The following ANXA2 variants were observed in gnomAD, a reference collection of about 807,000 sequenced individuals.
ANXA2 encodes annexin II.
In ANXA2, 28 loss-of-function variants were observed where a neutral mutation model predicts 47.3. The observed-to-expected ratio is 0.59, with a 90% CI of 0.44 to 0.81. The LOEUF (loss-of-function observed/expected upper bound fraction) is 0.81, where lower values mean the gene tolerates loss of function less well. Ranked by LOEUF, ANXA2 falls within the 40% of genes least tolerant of loss-of-function variation. ANXA2 has a pLI of 0.00. For synonymous variants in ANXA2, 172 were observed against 155.5 expected (o/e 1.11, Z -0.79); for missense variants, 384 against 414.3 (o/e 0.93, Z 0.64).
chr15:60,379,388 A>G (rs558909964), intron 3 of ANXA2, among the ~76,000 whole-genome samples: 51 of 152,366 alleles, frequency 3.3e-4, no homozygotes, highest in African/African-American at 1.2e-3. Context: ...AAGCTAGACC[A>G]CAAATATGAG....
At chr15:60,393,015 A>G (rs538649347) in intron 1 of ANXA2, 1 of 1,284,668 alleles carries the variant, frequency 7.8e-7, no homozygotes, top group East Asian at 5.6e-5. Context: ...CCACCCACCT[A>G]CTGCATCTTT....
intron 2 of ANXA2, 64 bp from the exon 3 acceptor site, chr15:60,382,505 A>G: frequency 1.8e-6 from 2 of 1,135,306 alleles, no homozygotes; most frequent in Non-Finnish European, 2.6e-6. Flanking sequence ...TGAAATAACA[A>G]TGCCTAATAT....
intron 5 of ANXA2, 147 bp downstream of exon 5, chr15:60,360,794 C>A: frequency 1.6e-6 from 1 of 622,020 alleles, no homozygotes; most frequent in South Asian, 2.0e-5. Context: ...GGTACAAATC[C>A]TGAGACATAT....
chr15:60,357,111 C>T, intron 6 of ANXA2, 35 bp downstream of exon 6: 11 of 1,593,472 alleles, frequency 6.9e-6, no homozygotes, highest in Non-Finnish European at 9.5e-6. Context: ...ATAAATTGGG[C>T]TGAGAGGATG....
At chr15:60,359,250 A>G (rs1595670969) in intron 5 of ANXA2, among the ~76,000 whole-genome samples, 1 of 152,338 alleles carries the variant, frequency 6.6e-6, no homozygotes, top group South Asian at 2.1e-4. Flanking sequence ...TGACAGCTCA[A>G]AAAGGTCTGT....
At chr15:60,360,900 A>T in intron 5 of ANXA2, 41 bp downstream of exon 5, 1 of 1,275,124 alleles carries the variant, frequency 7.8e-7, no homozygotes, top group Non-Finnish European at 1.1e-6. Flanking sequence ...TCACAAAATT[A>T]ATAGCAGATT....
intron 1 of ANXA2, chr15:60,386,605 T>C (rs1051724427): frequency 2.0e-5 from 3 of 152,942 alleles, no homozygotes; most frequent in African/African-American, 7.2e-5. Context: ...CCAATGATAC[T>C]TGGAAGATAT....
intron 1 of ANXA2, among the ~76,000 whole-genome samples, chr15:60,392,707 T>C (rs939171094): frequency 2.6e-5 from 4 of 152,342 alleles, no homozygotes; most frequent in Non-Finnish European, 5.9e-5. Context: ...CTGAGTCTAA[T>C]CCAGAAGTTT....
chr15:60,348,316 A>G (rs186654882), intron 12 of ANXA2, among the ~76,000 whole-genome samples: 1 of 152,350 alleles, frequency 6.6e-6, no homozygotes, highest in African/African-American at 2.4e-5. Flanking sequence ...TGTGAATGCC[A>G]TCACTTCCTT....
rs565525470 is a variant in ANXA2, at chr15:60,364,246, G to A, written c.243+183C>T. 6.6e-5 allele frequency among the ~76,000 whole-genome samples: 10 copies of A among 152,328 alleles called. No homozygotes were observed. The East Asian group carries it at 1.9e-3, about 29-fold the overall frequency. ...CTGATGACCTGAGGTGCACGCGCGC[G>A]TGCACACACGCACACACACATGTGC... On this transcript the variant is annotated intron_variant, in intron 4 of 12. Coordinates refer to ENST00000451270, the MANE Select transcript of ANXA2 (RefSeq NM_004039.3).
At chr15:60,363,473 C>A (rs1439341458) in intron 4 of ANXA2, among the ~76,000 whole-genome samples, 1 of 152,178 alleles carries the variant, frequency 6.6e-6, no homozygotes, top group Non-Finnish European at 1.5e-5. Flanking sequence ...ACTGTGGCTA[C>A]AAGTGAAAGC....
Position 60,357,234 on chromosome 15 carries a change from C to A in ANXA2, c.360G>T (p.Gly120=), listed in dbSNP as rs367754106. 1.1e-4 allele frequency: 177 copies of A among 1,613,630 alleles called. No homozygotes were observed. The highest frequency in any genetic ancestry group is 1.3e-4 in the Non-Finnish European group (150 of 1,179,710). Residue 120 remains glycine (G), a splice_region_variant and synonymous_variant, in exon 6 of 13, where the codon GGG becomes GGT. Coordinates refer to ENST00000451270, the MANE Select transcript of ANXA2 (RefSeq NM_004039.3). ...TGAGAGAGTCCTCGTCGGTTCCCAG[C>A]CCCTGTGAACCAGGAAGCACGAACA... ...DASELKASMK[G]LGTDEDSLIE...
intron 3 of ANXA2, among the ~76,000 whole-genome samples, chr15:60,380,504 A>G (rs916292407): frequency 3.3e-5 from 5 of 151,788 alleles, no homozygotes; most frequent in African/African-American, 7.3e-5. Flanking sequence ...AAAAAAAAAA[A>G]AAAAAGAAAA....
At chr15:60,366,530 C>T (rs1452136332) in intron 3 of ANXA2, among the ~76,000 whole-genome samples, 2 of 151,098 alleles carry the variant, frequency 1.3e-5, no homozygotes, top group East Asian at 2.0e-4. Context: ...CGTCTCTGCC[C>T]GGCCGCTCCG....
chr15:60,357,712 T>G (rs1473357713), intron 5 of ANXA2, among the ~76,000 whole-genome samples: 1 of 151,436 alleles, frequency 6.6e-6, no homozygotes, highest in African/African-American at 2.4e-5. Context: ...GAGAATGGCG[T>G]GAACCTGGGA....
chr15:60,379,321 T>G (rs1314198349), intron 3 of ANXA2, among the ~76,000 whole-genome samples: 1 of 151,884 alleles, frequency 6.6e-6, no homozygotes, highest in Non-Finnish European at 1.5e-5. Context: ...AAAGTGGACC[T>G]AAGTGAAACT....
chr15:60,356,167 G>A (rs112843983), intron 6 of ANXA2, among the ~76,000 whole-genome samples, 169 bp from the exon 7 acceptor site: 6 of 152,008 alleles, frequency 3.9e-5, no homozygotes, highest in South Asian at 2.1e-4. Flanking sequence ...AATGATTTTC[G>A]CCCTCATGAA....
At chr15:60,368,331 T>G in intron 3 of ANXA2, among the ~76,000 whole-genome samples, 1 of 149,510 alleles carries the variant, frequency 6.7e-6, no homozygotes. Context: ...TAAAATAAAA[T>G]AAAATAAAAT....
intron 2 of ANXA2, among the ~76,000 whole-genome samples, chr15:60,385,319 G>C (rs534632140): frequency 1.2e-4 from 18 of 152,274 alleles, no homozygotes; most frequent in Non-Finnish European, 2.2e-4. Flanking sequence ...TGTAATCCCA[G>C]CACTTTGGGA....
Sources: gnomAD v4.1 joint callset for allele counts (sites outside exome capture counted in the v4.1 genomes callset) on GRCh38, gnomAD v4.1.1 for gene constraint, MANE v1.5 for transcripts, NCBI Gene and HGNC (gene_info 2026-07-23, HGNC 2026-07-21) for gene names.